OSBPL8: variants seen among roughly 807,000 people sequenced by gnomAD.
OSBPL8 encodes oxysterol binding protein like 8.
In OSBPL8, 59 loss-of-function variants were observed where a neutral mutation model predicts 125.5. The ratio of observed to expected loss-of-function variants is 0.47; its 90% confidence interval spans 0.38 to 0.58. The LOEUF (loss-of-function observed/expected upper bound fraction) is 0.58, where lower values mean the gene tolerates loss of function less well. Ranked by LOEUF, OSBPL8 falls within the 20% of genes least tolerant of loss-of-function variation. OSBPL8 has a pLI of 0.00. For synonymous variants in OSBPL8, 330 were observed against 338.9 expected (o/e 0.97, Z 0.29); for missense variants, 758 against 1,047.8 (o/e 0.72, Z 3.82).
At position 76,356,724 on chromosome 12, in the gene OSBPL8, T is replaced by C. The variant is rs2136118636; in HGVS notation, c.2439A>G (p.Gln813=). The part of the protein sequence containing the change: ...DIQDSSGSEA[Q]SVKPSTRRKK... ...TTCTTCTTGTACTTGGTTTTACTGATTGAGCTAAAAAGACATTTAGAATGA... is the reference window on the plus strand; with the variant it reads ...TTCTTCTTGTACTTGGTTTTACTGACTGAGCTAAAAAGACATTTAGAATGA... Residue 813 remains glutamine (Q), a synonymous_variant, in exon 23 of 24, where the codon CAA becomes CAG. Transcript: ENST00000261183. 1.3e-6 allele frequency: 2 copies of C among 1,593,532 alleles called. No individual in the cohort carries two copies. The highest frequency in any genetic ancestry group is 8.6e-7 in the Non-Finnish European group (1 of 1,164,628).
rs959878237 is a variant in OSBPL8 at position 76,468,167 on chromosome 12, A to G, written c.43-8272T>C. On this transcript the variant is annotated intron_variant, in intron 2 of 23. Transcript: ENST00000261183. Reference sequence around the variant, plus strand: ...AGAAAGGACCTAGAAAAAAGTGATTAATTTACCAACTTAATTTTCTAGGCA... The same window carrying G: ...AGAAAGGACCTAGAAAAAAGTGATTGATTTACCAACTTAATTTTCTAGGCA... Among the ~76,000 whole-genome samples, 72 of 152,260 alleles carry G rather than the reference A, an allele frequency of 4.7e-4. 3 individuals are homozygous for G. Among genetic ancestry groups the G allele is most frequent in the South Asian group, 1.2e-3 (6 of 4,822 alleles).
intron 1 of OSBPL8, among the ~76,000 whole-genome samples, chr12:76,501,812 G>T (rs1396840946): frequency 1.3e-5 from 2 of 152,248 alleles, no homozygotes; most frequent in Non-Finnish European, 2.9e-5. Context: ...GTGGCAGGTA[G>T]ATTACGTTGA....
chr12:76,394,181 C>T (rs530149867), intron 9 of OSBPL8, among the ~76,000 whole-genome samples: 3 of 151,900 alleles, frequency 2.0e-5, no homozygotes, highest in Non-Finnish European at 4.4e-5. Context: ...ACCTTGATAT[C>T]ATTTAAGTTT....
At chr12:76,476,982 G>GA (rs1360713761) in intron 2 of OSBPL8, among the ~76,000 whole-genome samples, 1 of 152,160 alleles carries the variant, frequency 6.6e-6, no homozygotes, top group African/African-American at 2.4e-5. Context: ...AAAAACTGCT[G>GA]AAAGGTAGAG....
intron 1 of OSBPL8, among the ~76,000 whole-genome samples, chr12:76,497,441 A>G (rs1428741475): frequency 6.6e-6 from 1 of 152,190 alleles, no homozygotes; most frequent in Non-Finnish European, 1.5e-5. Context: ...TGTATGCATA[A>G]TAAAGGAATC....
chr12:76,508,759 C>T (rs762704459), intron 1 of OSBPL8, among the ~76,000 whole-genome samples: 1 of 152,290 alleles, frequency 6.6e-6, no homozygotes, highest in Admixed American at 6.5e-5. Context: ...CAGCGCCTGA[C>T]AGTTTACAAA....
rs11395533 is a variant in OSBPL8 at position 76,553,976 on chromosome 12, CAAAAAAA to C, written c.-68+5414_-68+5420del. Reference sequence around the variant, plus strand: ...TAGGTGACACAGTGAGACTCTATCTCAAAAAAAAAAAAAAAAAAACACTAAAAAAAAA... The same window carrying C: ...TAGGTGACACAGTGAGACTCTATCTCAAAAAAAAAAAACACTAAAAAAAAA... On this transcript the variant is annotated intron_variant, in intron 1 of 23. Coordinates refer to ENST00000261183, the MANE Select transcript of OSBPL8 (RefSeq NM_020841.5). Among the ~76,000 whole-genome samples the C allele has an allele frequency of 1.8e-4, 17 of 95,720 alleles. No homozygotes were observed. In the East Asian group the frequency reaches 5.3e-3, roughly 30 times the overall value. 62.8% of individuals were successfully genotyped at this position (95,720 alleles called of 152,430 possible). A position where few individuals can be genotyped will look rare whatever the true frequency, so the allele number is the denominator to read the frequency against.
At chr12:76,376,623 A>T (rs889296191) in intron 16 of OSBPL8, among the ~76,000 whole-genome samples, 6 of 152,170 alleles carry the variant, frequency 3.9e-5, no homozygotes, top group African/African-American at 1.2e-4. Context: ...ATGATAGAAA[A>T]TTTAAAAATA....
intron 1 of OSBPL8, among the ~76,000 whole-genome samples, chr12:76,499,280 T>C (rs1044823991): frequency 1.3e-5 from 2 of 151,494 alleles, no homozygotes; most frequent in Non-Finnish European, 2.9e-5. Context: ...GACCTTGTGA[T>C]CATGTAAGTT....
In OSBPL8 at chr12:76,369,215, A is replaced by G. The variant is rs1405601467; in HGVS notation, c.2327T>C (p.Met776Thr). 25 of 1,610,028 alleles carry G rather than the reference A, an allele frequency of 1.6e-5. No homozygotes were observed. Among genetic ancestry groups the G allele is most frequent in the Non-Finnish European group, 2.0e-5 (24 of 1,178,738 alleles). Residue 776 changes from methionine (M) to threonine (T), a missense_variant and splice_region_variant, in exon 21 of 24, where the codon ATG becomes ACG. By Grantham distance (81) the Met-to-Thr change is moderately conservative. This residue lies in a region of OSBPL8 where 572 missense variants were observed against 762.0 expected (regional missense o/e 0.75). Coordinates refer to ENST00000261183, the MANE Select transcript of OSBPL8 (RefSeq NM_020841.5). Reference protein sequence around the residue: ...IQTKVKHRTPMVSVPKMKHKP... With the variant: ...IQTKVKHRTPTVSVPKMKHKP... ...TGTACCTAGTTTTTTATTACATACC[A>G]TTGGAGTACGATGTTTCACTTTGGT... is the stretch of plus-strand genomic sequence containing the variant.
At chr12:76,484,445 AAT>A (rs1477825919) in intron 2 of OSBPL8, among the ~76,000 whole-genome samples, 1 of 152,234 alleles carries the variant, frequency 6.6e-6, no homozygotes, top group African/African-American at 2.4e-5. Context: ...GCTTAATATT[AAT>A]AGTTATAATA....
intron 17 of OSBPL8, among the ~76,000 whole-genome samples, chr12:76,373,990 C>T (rs972768226): frequency 1.3e-5 from 2 of 152,106 alleles, no homozygotes; most frequent in Non-Finnish European, 1.5e-5. Flanking sequence ...TTAAAGGCAT[C>T]ATATATACTT....
chr12:76,439,053 G>A (rs1871851079), intron 4 of OSBPL8, among the ~76,000 whole-genome samples: 2 of 152,150 alleles, frequency 1.3e-5, no homozygotes, highest in Non-Finnish European at 2.9e-5. Context: ...TAAAATACAG[G>A]GGGAGGTGGA....
chr12:76,522,524 G>A (rs1592845599), intron 1 of OSBPL8, among the ~76,000 whole-genome samples: 1 of 152,208 alleles, frequency 6.6e-6, no homozygotes, highest in Middle Eastern at 3.4e-3. Context: ...GAGTTCTCAA[G>A]GGAATAAGTC....
At chr12:76,530,556 T>C (rs1003106982) in intron 1 of OSBPL8, among the ~76,000 whole-genome samples, 13 of 152,184 alleles carry the variant, frequency 8.5e-5, no homozygotes, top group African/African-American at 3.1e-4. Context: ...TACTTTTTTT[T>C]CCAAGACACT....
At chr12:76,408,150 A>T (rs1240135996) in intron 5 of OSBPL8, among the ~76,000 whole-genome samples, 1 of 149,982 alleles carries the variant, frequency 6.7e-6, no homozygotes, top group Non-Finnish European at 1.5e-5. Context: ...TCTTAAAAAA[A>T]AAAAAAAAAA....
chr12:76,373,846 CAAACAAACA>C (rs368148742), intron 17 of OSBPL8, among the ~76,000 whole-genome samples: 21 of 151,200 alleles, frequency 1.4e-4, no homozygotes, highest in Middle Eastern at 3.4e-3. Context: ...CCTTAAAAAA[CAAACAAACA>C]AAAGTAAAAT....
intron 1 of OSBPL8, among the ~76,000 whole-genome samples, chr12:76,496,019 A>G (rs1879226187): frequency 7.0e-6 from 1 of 143,802 alleles, no homozygotes; most frequent in African/African-American, 2.5e-5. Context: ...TATTTCCCAG[A>G]TCACCTTACT....
intron 1 of OSBPL8, chr12:76,534,409 T>C (rs1385747446): frequency 6.6e-6 from 1 of 152,216 alleles, no homozygotes; most frequent in Non-Finnish European, 1.5e-5. Context: ...CTTTTGTTGC[T>C]GCAACCCCAA....
Sources: gnomAD v4.1 joint callset for allele counts (sites outside exome capture counted in the v4.1 genomes callset) on GRCh38, gnomAD v4.1.1 for gene constraint, gnomAD v4.1.1 regional missense constraint, MANE v1.5 for transcripts, NCBI Gene and HGNC (gene_info 2026-07-23, HGNC 2026-07-21) for gene names.